The following ALK variants were observed in gnomAD, a reference collection of about 807,000 sequenced individuals.
ALK encodes ALK tyrosine kinase receptor.
A neutral mutation model predicts 163.1 loss-of-function variants in ALK; 74 were observed. That is an observed-to-expected ratio of 0.45 (90% CI 0.38 to 0.55). ALK has a LOEUF of 0.55. Among genes scored for constraint, ALK ranks in the 20% least tolerant of loss-of-function variants. The pLI is 0.00. For missense variants in ALK, 2,063 were observed against 2,105.3 expected (o/e 0.98, Z 0.39); for synonymous variants, 960 against 843.2 (o/e 1.14, Z -2.40).
intron 3 of ALK, among the ~76,000 whole-genome samples, chr2:29,591,281 G>A (rs896779995): frequency 6.6e-6 from 1 of 152,096 alleles, no homozygotes; most frequent in African/African-American, 2.4e-5. Flanking sequence ...TCATTCTGAC[G>A]AACTAAATTC....
intron 4 of ALK, among the ~76,000 whole-genome samples, chr2:29,441,406 G>A (rs1041192911): frequency 4.6e-5 from 7 of 152,196 alleles, no homozygotes; most frequent in Admixed American, 1.3e-4. Flanking sequence ...CGCCCTGGCT[G>A]GGGGACATGT....
chr2:29,395,073 A>G (rs186943421), intron 4 of ALK, among the ~76,000 whole-genome samples: 4 of 152,280 alleles, frequency 2.6e-5, no homozygotes, highest in Admixed American at 2.6e-4. Context: ...TCCTAGAAGC[A>G]TCCTCCCTGC....
rs576064781 is a variant in ALK, at chr2:29,847,186, C to T, written c.667+72807G>A. On this transcript the variant is annotated intron_variant, in intron 1 of 28. Transcript: ENST00000389048. Reference sequence around the variant, plus strand: ...TCCCTCCACGATACCTCGGTATTCTCATCTATGAATAGGCAGCCCCTTCTT... The same window carrying T: ...TCCCTCCACGATACCTCGGTATTCTTATCTATGAATAGGCAGCCCCTTCTT... Among the ~76,000 whole-genome samples, 8 of 152,302 alleles carry T rather than the reference C, an allele frequency of 5.3e-5. 1 individual carries two copies. The South Asian group carries it at 1.7e-3, about 32-fold the overall frequency.
At chr2:29,574,351 C>T (rs6547951) in intron 3 of ALK, among the ~76,000 whole-genome samples, 27,625 of 152,202 alleles carry the variant, frequency 0.18, 2,757 homozygotes, top group East Asian at 0.28. Flanking sequence ...CTTTCTAAAC[C>T]GAAACGTACA....
At chr2:29,251,068 G>A (rs193064534) in intron 12 of ALK, 37 bp downstream of exon 12, 2 of 1,606,596 alleles carry the variant, frequency 1.2e-6, no homozygotes, top group Non-Finnish European at 1.7e-6. Flanking sequence ...TTCGGAAGGG[G>A]TGGTCTGCCC....
At chr2:29,319,590 A>G (rs1178430806) in intron 7 of ALK, among the ~76,000 whole-genome samples, 1 of 152,172 alleles carries the variant, frequency 6.6e-6, no homozygotes, top group Admixed American at 6.5e-5. Context: ...GAAGTCATGG[A>G]GAGGTGGAGC....
At chr2:29,598,183 C>G (rs949183543) in intron 3 of ALK, among the ~76,000 whole-genome samples, 1 of 152,144 alleles carries the variant, frequency 6.6e-6, no homozygotes. Context: ...TGCGCCACCA[C>G]GCCAGCTAAT....
Position 29,227,703 on chromosome 2 carries a change from TGGG to T in ALK, c.2816-34_2816-32del. The T allele has an allele frequency of 6.3e-7, 1 of 1,584,402 alleles. No homozygotes were observed. Among genetic ancestry groups the T allele is most frequent in the Non-Finnish European group, 8.7e-7 (1 of 1,154,166 alleles). On this transcript the variant is annotated intron_variant, in intron 16 of 28. Coordinates refer to ENST00000389048, the MANE Select transcript of ALK (RefSeq NM_004304.5). The surrounding 1 kb of genome is among the most constrained non-coding windows in gnomAD (Gnocchi z 4.4). The stretch of plus-strand genomic sequence containing the variant: ...TAGCAAACCAGAGCAGAGTTTAACA[TGGG>T]GGGTGGGTGCCAAAATCTTAACACA...
At chr2:29,407,812 T>C (rs929372799) in intron 4 of ALK, among the ~76,000 whole-genome samples, 2 of 152,326 alleles carry the variant, frequency 1.3e-5, no homozygotes, top group African/African-American at 2.4e-5. Flanking sequence ...CGATGTGTCA[T>C]GTCATGATGG....
intron 3 of ALK, among the ~76,000 whole-genome samples, chr2:29,674,348 C>T (rs1677804400): frequency 6.6e-6 from 1 of 151,640 alleles, no homozygotes; most frequent in Non-Finnish European, 1.5e-5. Flanking sequence ...AAATACGTCC[C>T]ATCAATACCT....
In ALK at chr2:29,727,395, C is replaced by T. The variant is rs370322192; in HGVS notation, c.668-9698G>A. Among the ~76,000 whole-genome samples the T allele has an allele frequency of 3.9e-5, 6 of 152,162 alleles. No homozygotes were observed. In the East Asian group the frequency reaches 9.6e-4, roughly 24 times the overall value. On this transcript the variant is annotated intron_variant, in intron 1 of 28. Coordinates refer to ENST00000389048, the MANE Select transcript of ALK (RefSeq NM_004304.5). Reference sequence around the variant, plus strand: ...ATGCCACATTACTCAGCACAAAGGCCCCTCACCATGACTGAACTCATTTCC... The same window carrying T: ...ATGCCACATTACTCAGCACAAAGGCTCCTCACCATGACTGAACTCATTTCC...
chr2:29,357,266 A>G (rs11691298), intron 5 of ALK, among the ~76,000 whole-genome samples: 2,143 of 152,264 alleles, frequency 0.014, 21 homozygotes, highest in Middle Eastern at 0.027. Context: ...GACAATGCAG[A>G]CACTAGTTAG....
chr2:29,285,532 T>G (rs1361261704), intron 9 of ALK, among the ~76,000 whole-genome samples: 1 of 151,386 alleles, frequency 6.6e-6, no homozygotes, highest in African/African-American at 2.4e-5. Flanking sequence ...GTGCTGGGTT[T>G]ACAGGTGTGA....
chr2:29,916,252 G>C (rs1223842784), intron 1 of ALK, among the ~76,000 whole-genome samples: 2 of 152,208 alleles, frequency 1.3e-5, no homozygotes, highest in Admixed American at 1.3e-4. Context: ...CCCGAAGTTT[G>C]CTTCTACAAG....
chr2:29,270,494 C>T (rs1177860073), intron 11 of ALK, among the ~76,000 whole-genome samples: 1 of 152,170 alleles, frequency 6.6e-6, no homozygotes, highest in Non-Finnish European at 1.5e-5. Context: ...AGGATGCAGT[C>T]CCGGGTTCCT....
chr2:29,592,262 C>T (rs1445328153), intron 3 of ALK, among the ~76,000 whole-genome samples: 1 of 152,154 alleles, frequency 6.6e-6, no homozygotes, highest in East Asian at 1.9e-4. Flanking sequence ...CCACCCTAGC[C>T]TGAGACCCAG....
At chr2:29,896,336 G>C (rs538934762) in intron 1 of ALK, among the ~76,000 whole-genome samples, 1 of 152,270 alleles carries the variant, frequency 6.6e-6, no homozygotes, top group South Asian at 2.1e-4. Context: ...GGCAGATTTT[G>C]TGCTGTTACG....
In ALK at chr2:29,521,820, T is replaced by C. The variant is rs188914315; in HGVS notation, c.1154+10095A>G. On this transcript the variant is annotated intron_variant, in intron 4 of 28. Transcript: ENST00000389048. ...CGATTCCATCTCCTCAATGCAGACT[T>C]GGTTTTTGAAGGTGAAGGCAACTGG... Among the ~76,000 whole-genome samples the C allele has an allele frequency of 2.9e-3, 443 of 152,304 alleles. 4 individuals are homozygous for C. Among genetic ancestry groups the C allele is most frequent in the African/African-American group, 0.01 (420 of 41,572 alleles).
intron 4 of ALK, among the ~76,000 whole-genome samples, chr2:29,424,206 A>G (rs1013518160): frequency 6.6e-6 from 1 of 152,182 alleles, no homozygotes; most frequent in Non-Finnish European, 1.5e-5. Context: ...AGATCAATGT[A>G]TGTGTCAAAA....
Sources: allele counts gnomAD v4.1 joint callset (sites outside exome capture counted in the v4.1 genomes callset), GRCh38; gene constraint gnomAD v4.1.1; non-coding constraint Gnocchi (gnomAD v3.1); transcripts MANE v1.5; gene names NCBI Gene and HGNC (gene_info 2026-07-23, HGNC 2026-07-21).